The following WBP1L variants were observed in gnomAD, a reference collection of about 807,000 sequenced individuals.
WBP1L encodes WW domain binding protein 1-like.
Under a neutral mutation model 33.7 loss-of-function variants are expected in WBP1L, and 17 were observed. The ratio of observed to expected loss-of-function variants is 0.50; its 90% confidence interval spans 0.34 to 0.76. The LOEUF is 0.76. WBP1L is among the 30% of genes least tolerant of loss of function. The pLI, the probability that WBP1L is intolerant of heterozygous loss-of-function variation, is 0.01. For missense variants in WBP1L, 389 were observed against 469.4 expected (o/e 0.83, Z 1.58); for synonymous variants, 173 against 190.8 (o/e 0.91, Z 0.77).
intron 2 of WBP1L, among the ~76,000 whole-genome samples, chr10:102,808,338 T>C (rs948190613): frequency 6.6e-6 from 1 of 152,180 alleles, no homozygotes; most frequent in Non-Finnish European, 1.5e-5. Flanking sequence ...ATGTGTGTTA[T>C]GTGAAAAGCA....
chr10:102,761,399 C>T (rs1244430580), intron 1 of WBP1L, among the ~76,000 whole-genome samples: 1 of 151,364 alleles, frequency 6.6e-6, no homozygotes, highest in Non-Finnish European at 1.5e-5. Flanking sequence ...CTCGGCCTCC[C>T]AAAGTGCTGG....
chr10:102,764,021 C>T (rs1270273004), intron 1 of WBP1L, among the ~76,000 whole-genome samples: 2 of 151,934 alleles, frequency 1.3e-5, no homozygotes, highest in Admixed American at 6.6e-5. Flanking sequence ...ACCATGTTGG[C>T]GAGGTCGGTC....
intron 1 of WBP1L, among the ~76,000 whole-genome samples, chr10:102,777,072 C>T (rs533059899): frequency 5.9e-5 from 9 of 152,086 alleles, no homozygotes; most frequent in Non-Finnish European, 1.0e-4. Flanking sequence ...TCATTCCAGC[C>T]GGTAAAGCAG....
At chr10:102,748,368 T>TA (rs1842890127) in intron 1 of WBP1L, among the ~76,000 whole-genome samples, 1 of 152,220 alleles carries the variant, frequency 6.6e-6, no homozygotes. Flanking sequence ...GTTCCCACCT[T>TA]ACCTTTACTC....
chr10:102,771,129 C>A (rs1327190506), intron 1 of WBP1L, among the ~76,000 whole-genome samples: 1 of 152,156 alleles, frequency 6.6e-6, no homozygotes, highest in Admixed American at 6.5e-5. Context: ...TCTCCCCTAC[C>A]CCACCCCAGA....
intron 1 of WBP1L, chr10:102,776,563 C>G: frequency 9.1e-7 from 1 of 1,094,832 alleles, no homozygotes; most frequent in Non-Finnish European, 1.4e-6. Context: ...TTCCAGTCTC[C>G]CTTCTTGTTT....
intron 2 of WBP1L, among the ~76,000 whole-genome samples, chr10:102,799,886 C>T (rs2134060215): frequency 6.6e-6 from 1 of 152,304 alleles, no homozygotes; most frequent in South Asian, 2.1e-4. Flanking sequence ...TTGTAGCCAA[C>T]AGGAGTGGTT....
At chr10:102,810,341 AC>A (rs1843812096) in intron 3 of WBP1L, among the ~76,000 whole-genome samples, 1 of 150,706 alleles carries the variant, frequency 6.6e-6, no homozygotes, top group Non-Finnish European at 1.5e-5. Context: ...GTACATACCT[AC>A]CTACCTAACT....
At chr10:102,769,141 A>G (rs1305582933) in intron 1 of WBP1L, among the ~76,000 whole-genome samples, 2 of 152,152 alleles carry the variant, frequency 1.3e-5, no homozygotes, top group African/African-American at 2.4e-5. Context: ...GTACGCCGCC[A>G]TGCCTGGCTA....
At chr10:102,759,389 T>C (rs1407605538) in intron 1 of WBP1L, among the ~76,000 whole-genome samples, 1 of 152,242 alleles carries the variant, frequency 6.6e-6, no homozygotes, top group Non-Finnish European at 1.5e-5. Flanking sequence ...TTAATAATGT[T>C]TATAATAATG....
In WBP1L at chr10:102,744,163, TG is replaced by T; in HGVS notation, c.90+23del. The T allele has an allele frequency of 6.5e-7, 1 of 1,540,058 alleles. No individual in the cohort carries two copies. On this transcript the variant is annotated intron_variant, in intron 1 of 3. Coordinates refer to ENST00000448841, the MANE Select transcript of WBP1L (RefSeq NM_001083913.2). ...CCGCAGGTAAGGGGGAGGGGGCGTC[TG>T]GGCCATGTTGGGTCCTGGGGGTCGT...
Position 102,813,580 on chromosome 10 carries a change from C to T in WBP1L, c.*249C>T, listed in dbSNP as rs540544037. ...GGTTCTGTGACTCATTCCTCATACC[C>T]TAACTCCATCTCCTTTCTTTAAAGT... On this transcript the variant is annotated 3_prime_UTR_variant, in exon 4 of 4. Coordinates refer to ENST00000448841, the MANE Select transcript of WBP1L (RefSeq NM_001083913.2). 2.8e-5 allele frequency: 15 copies of T among 540,348 alleles called. No individual in the cohort carries two copies. Among genetic ancestry groups the T allele is most frequent in the Non-Finnish European group, 4.2e-5 (13 of 306,322 alleles). The allele number at this position is 540,348 out of a possible 1,614,324, so 33.5% of individuals were successfully genotyped here.
chr10:102,775,931 C>T (rs1015378465), intron 1 of WBP1L, among the ~76,000 whole-genome samples: 2 of 152,256 alleles, frequency 1.3e-5, no homozygotes, highest in Non-Finnish European at 2.9e-5. Context: ...ATGTACCCCC[C>T]AGCCTGCTTA....
chr10:102,809,560 T>TG (rs556464986), intron 2 of WBP1L, among the ~76,000 whole-genome samples: 2,216 of 143,748 alleles, frequency 0.015, 51 homozygotes, highest in South Asian at 0.11. Context: ...TTAGTAGAGA[T>TG]GGGGGTTTCA....
At chr10:102,746,127 G>A (rs11191383) in intron 1 of WBP1L, 211,528 of 984,068 alleles carry the variant, frequency 0.21, 23,065 homozygotes, top group Middle Eastern at 0.28. Context: ...TTCAGCAACG[G>A]GGATGATGGA....
chr10:102,812,908 C>A lies in WBP1L; in HGVS notation c.669C>A (p.Gly223=). 6.3e-7 allele frequency: 1 copy of A among 1,581,326 alleles called. No homozygotes were observed. Among genetic ancestry groups the A allele is most frequent in the South Asian group, 1.2e-5 (1 of 85,964 alleles). Reference sequence around the variant, plus strand: ...TGGAGCCCAGTGGCTCTGTGGCTGGCCTGGGGGAGCTGGACCCGGGGGCCT... The same window carrying A: ...TGGAGCCCAGTGGCTCTGTGGCTGGACTGGGGGAGCTGGACCCGGGGGCCT... ...PGMEPSGSVA[G]LGELDPGAFL... The change falls in exon 4 of 4, where the codon GGC becomes GGA. Residue 223 remains glycine (G), a synonymous_variant. Transcript: ENST00000448841.
rs970474466 is a variant in WBP1L, at chr10:102,746,243, T to C, written c.90+2100T>C. ...TTGCAGTTTGCAAACCACAGGCTGC[T>C]TTCTTATATCTGTGGCACTTCTAAT... On this transcript the variant is annotated intron_variant, in intron 1 of 3. Transcript: ENST00000448841. 4 of 828,968 alleles carry C rather than the reference T, an allele frequency of 4.8e-6. No individual in the cohort carries two copies. The African/African-American group carries it at 5.5e-5, about 11-fold the overall frequency. The allele number at this position is 828,968 out of a possible 1,614,324, so 51.4% of individuals were successfully genotyped here.
intron 1 of WBP1L, among the ~76,000 whole-genome samples, chr10:102,757,905 A>C (rs1322840108): frequency 3.0e-5 from 1 of 33,326 alleles, no homozygotes; most frequent in African/African-American, 1.1e-4. Flanking sequence ...TTTTTTTTTG[A>C]GACAGAGTCT....
intron 3 of WBP1L, 41 bp from the exon 4 acceptor site, chr10:102,812,554 G>A: frequency 6.5e-7 from 1 of 1,535,820 alleles, no homozygotes; most frequent in Non-Finnish European, 8.8e-7. Flanking sequence ...CTAGAACAAT[G>A]ACCAGTGCAG....
Sources: gnomAD v4.1 joint callset for allele counts (sites outside exome capture counted in the v4.1 genomes callset) on GRCh38, gnomAD v4.1.1 for gene constraint, MANE v1.5 for transcripts, NCBI Gene and HGNC (gene_info 2026-07-23, HGNC 2026-07-21) for gene names.